WHRN: variants seen among roughly 807,000 people sequenced by gnomAD.
WHRN encodes the protein CASK-interacting protein CIP98.
In WHRN, 41 loss-of-function variants were observed where a neutral mutation model predicts 68.3. The ratio of observed to expected loss-of-function variants is 0.60; its 90% CI spans 0.47 to 0.78. WHRN has a LOEUF of 0.78. Ranked by LOEUF, WHRN falls within the 30% of genes least tolerant of loss-of-function variation. The pLI is 0.00. For missense variants in WHRN, 1,243 were observed against 1,244.7 expected (o/e 1.00, Z 0.02); for synonymous variants, 560 against 561.3 (o/e 1.00, Z 0.03).
At chr9:114,472,759 C>T (rs975465624) in intron 2 of WHRN, among the ~76,000 whole-genome samples, 3 of 152,166 alleles carry the variant, frequency 2.0e-5, no homozygotes, top group Admixed American at 6.5e-5. Context: ...ATACCAGTAC[C>T]TAGTCAGCAT....
rs1836499359 is a variant in WHRN at position 114,423,420 on chromosome 9, T to A, written c.1520A>T (p.Gln507Leu). Residue 507 changes from glutamine to leucine, a missense_variant, in exon 7 of 12, where the codon CAG (glutamine) becomes CTG (leucine). Physicochemically the swap from Gln to Leu is moderately radical, Grantham distance 113. Coordinates refer to ENST00000362057, the MANE Select transcript of WHRN (RefSeq NM_015404.4). ...RREIESMKAR[Q>L]PPGPGAGDTY... ...GTCCCCAGCCCCGGGGCCTGGGGGCTGCCGCGCCTTCATGGACTCAATCTC... is the reference window on the plus strand; with the variant it reads ...GTCCCCAGCCCCGGGGCCTGGGGGCAGCCGCGCCTTCATGGACTCAATCTC... The A allele has an allele frequency of 6.2e-7, 1 of 1,614,064 alleles. No individual in the cohort carries two copies. Among genetic ancestry groups the A allele is most frequent in the African/African-American group, 1.3e-5 (1 of 75,014 alleles).
chr9:114,460,383 A>C (rs1191966140), intron 3 of WHRN, among the ~76,000 whole-genome samples: 2 of 152,238 alleles, frequency 1.3e-5, no homozygotes, highest in Admixed American at 1.3e-4. Flanking sequence ...ATGAAATAAA[A>C]GTGTATCTAA....
intron 6 of WHRN, 110 bp downstream of exon 6, chr9:114,424,224 G>T: frequency 7.8e-7 from 1 of 1,287,268 alleles, no homozygotes; most frequent in Non-Finnish European, 1.1e-6. Flanking sequence ...TCTGCCCAGT[G>T]TTCAGTTCAG....
intron 3 of WHRN, among the ~76,000 whole-genome samples, chr9:114,441,389 C>T (rs1365169791): frequency 6.6e-6 from 1 of 152,154 alleles, no homozygotes; most frequent in African/African-American, 2.4e-5. Context: ...TAGCTTTGTC[C>T]ACTAAAAGCC....
chr9:114,423,433 T>C lies in WHRN; in HGVS notation c.1507A>G (p.Met503Val), dbSNP rs201138894. 12 of 1,613,984 alleles carry C rather than the reference T, an allele frequency of 7.4e-6. No homozygotes were observed. The Admixed American group carries it at 1.5e-4, about 20-fold the overall frequency. The part of the protein sequence containing the change: ...HLVLRREIES[M>V]KARQPPGPGA... Reference sequence around the variant, plus strand: ...GGGCCTGGGGGCTGCCGCGCCTTCATGGACTCAATCTCACGCCTCAGCACC... The same window carrying C: ...GGGCCTGGGGGCTGCCGCGCCTTCACGGACTCAATCTCACGCCTCAGCACC... Residue 503 changes from methionine to valine, a missense_variant, in exon 7 of 12, where the codon ATG becomes GTG. Physicochemically the swap from Met to Val is conservative, Grantham distance 21. Transcript: ENST00000362057.
intron 3 of WHRN, among the ~76,000 whole-genome samples, chr9:114,440,817 T>C (rs921868638): frequency 5.9e-5 from 9 of 152,224 alleles, no homozygotes; most frequent in African/African-American, 2.2e-4. Flanking sequence ...GTAAATTGCA[T>C]ATCATAGTAA....
intron 3 of WHRN, among the ~76,000 whole-genome samples, chr9:114,440,230 A>G (rs1239102256): frequency 6.6e-6 from 1 of 151,870 alleles, no homozygotes; most frequent in Non-Finnish European, 1.5e-5. Context: ...TATTATTTTT[A>G]AAAGTTAAGA....
At chr9:114,432,198 C>G (rs1837480372) in intron 3 of WHRN, among the ~76,000 whole-genome samples, 1 of 152,180 alleles carries the variant, frequency 6.6e-6, no homozygotes, top group African/African-American at 2.4e-5. Flanking sequence ...GTGACTGGCT[C>G]ATGTTCAGAC....
rs909945531 is a variant in WHRN, at chr9:114,472,081, C to T, written c.838-5689G>A. Among the ~76,000 whole-genome samples, 8 of 152,334 alleles carry T rather than the reference C, an allele frequency of 5.3e-5. No homozygotes were observed. In the South Asian group the frequency reaches 1.7e-3, roughly 32 times the overall value. ...TGTGTGCTCCTAAAATACAGGCTTT[C>T]TGTGATCCACAGCCAAAAGCACCCC... On this transcript the variant is annotated intron_variant, in intron 2 of 11. Transcript: ENST00000362057.
At position 114,484,844 on chromosome 9, in the gene WHRN, G is replaced by A. The variant is rs559047366; in HGVS notation, c.619-6073C>T. ...GCAAATTTGCCTCACTCAGCTCTTT[G>A]GAGCCAACTCTGAAACCCCAAAATC... On this transcript the variant is annotated intron_variant, in intron 1 of 11. Transcript: ENST00000362057. 6.4e-4 allele frequency among the ~76,000 whole-genome samples: 98 copies of A among 152,270 alleles called. 1 individual carries two copies. The highest frequency in any genetic ancestry group is 2.2e-3 in the African/African-American group (93 of 41,542).
At chr9:114,494,082 AT>A (rs1187199287) in intron 1 of WHRN, among the ~76,000 whole-genome samples, 1 of 152,130 alleles carries the variant, frequency 6.6e-6, no homozygotes, top group Non-Finnish European at 1.5e-5. Flanking sequence ...TCCTCTTCCA[AT>A]TCTCAGAGTC....
At chr9:114,404,195 G>A (rs1589059241) in intron 9 of WHRN, 118 bp from the exon 10 acceptor site, 23 of 1,124,850 alleles carry the variant, frequency 2.0e-5, no homozygotes, top group Admixed American at 4.0e-5. Context: ...AGGCAAAGAT[G>A]GGGGAAGGAA....
intron 1 of WHRN, among the ~76,000 whole-genome samples, chr9:114,498,845 C>T (rs1006003775): frequency 5.9e-5 from 9 of 152,244 alleles, no homozygotes; most frequent in South Asian, 2.1e-4. Context: ...TGACCCTCCT[C>T]GCCTGCCTGC....
Position 114,504,698 on chromosome 9 carries a change from A to T in WHRN, c.104T>A (p.Leu35Gln). The T allele has an allele frequency of 6.3e-7, 1 of 1,576,642 alleles. No individual in the cohort carries two copies. ...GTGCAGCTGGCGCACGTTGGCAGAC[A>T]GTAACCGCAGCCCCGCGCCCCCGCC... ...GGGGGAGLRL[L>Q]SANVRQLHQA... is the part of the protein sequence containing the mutation. The change falls in exon 1 of 12, where the codon CTG becomes CAG. Residue 35 changes from leucine to glutamine, a missense_variant. Coordinates refer to ENST00000362057, the MANE Select transcript of WHRN (RefSeq NM_015404.4).
intron 2 of WHRN, among the ~76,000 whole-genome samples, chr9:114,470,049 TC>T (rs1391277721): frequency 6.6e-6 from 1 of 152,028 alleles, no homozygotes; most frequent in African/African-American, 2.4e-5. Flanking sequence ...ACCCAGACAA[TC>T]CCCCACGTCA....
Position 114,504,773 on chromosome 9 carries a change from A to G in WHRN, c.29T>C (p.Val10Ala). The change falls in exon 1 of 12, where the codon GTG becomes GCG. Residue 10 changes from valine (V) to alanine (A), a missense_variant. Coordinates refer to ENST00000362057, the MANE Select transcript of WHRN (RefSeq NM_015404.4). MNAPLDGLSVSSSSTGSLGS... is the reference protein window; with the variant it reads MNAPLDGLSASSSSTGSLGS... ...CAGCGAGCCGGTGGAGGACGAGCTC[A>G]CCGACAGGCCGTCCAGCGGCGCGTT... is the stretch of plus-strand genomic sequence containing the variant. The G allele has an allele frequency of 6.7e-7, 1 of 1,482,136 alleles. No homozygotes were observed. The highest frequency in any genetic ancestry group is 1.3e-5 in the South Asian group (1 of 75,794). 91.8% of individuals were successfully genotyped at this position (1,482,136 alleles called of 1,614,324 possible). A position where few individuals can be genotyped will look rare whatever the true frequency, so the allele number is the denominator to read the frequency against.
At chr9:114,489,490 G>GCA (rs1842793849) in intron 1 of WHRN, among the ~76,000 whole-genome samples, 1 of 107,806 alleles carries the variant, frequency 9.3e-6, no homozygotes, top group Non-Finnish European at 2.0e-5. Context: ...GCACACACAC[G>GCA]TACACACACA....
intron 3 of WHRN, among the ~76,000 whole-genome samples, chr9:114,435,120 T>C (rs933142548): frequency 6.6e-6 from 1 of 152,126 alleles, no homozygotes. Context: ...AAGGCAGATA[T>C]CACTAATCCC....
At chr9:114,432,335 G>A (rs1837493808) in intron 3 of WHRN, among the ~76,000 whole-genome samples, 1 of 152,246 alleles carries the variant, frequency 6.6e-6, no homozygotes, top group African/African-American at 2.4e-5. Flanking sequence ...GCCCCAGGAG[G>A]AGAGGGGACC....
Sources: allele counts gnomAD v4.1 joint callset (sites outside exome capture counted in the v4.1 genomes callset), GRCh38; gene constraint gnomAD v4.1.1; transcripts MANE v1.5; gene names NCBI Gene and HGNC (gene_info 2026-07-23, HGNC 2026-07-21).